KCNQ1: variants seen among roughly 807,000 people sequenced by gnomAD.
KCNQ1 encodes the protein potassium voltage-gated channel subfamily Q member 1.
Under a neutral mutation model 72.4 loss-of-function variants are expected in KCNQ1, and 49 were observed. That is an observed-to-expected ratio of 0.68 (90% CI 0.54 to 0.86). KCNQ1 has a LOEUF of 0.86. KCNQ1 is among the 40% of genes least tolerant of loss of function. The probability of loss-of-function intolerance (pLI) is 0.00; values close to 1 mark genes in which losing one functional copy is unlikely to be tolerated. For missense variants in KCNQ1, 790 were observed against 945.1 expected, an observed-to-expected ratio of 0.84 and a Z score of 2.15; for synonymous variants, 450 against 412.6, an observed-to-expected ratio of 1.09 and a Z score of -1.10.
At chr11:2,511,101 C>G (rs1488655048) in intron 1 of KCNQ1, among the ~76,000 whole-genome samples, 1 of 152,210 alleles carries the variant, frequency 6.6e-6, no homozygotes, top group Non-Finnish European at 1.5e-5. Context: ...TGTCTCTGCA[C>G]CCCTGGAGCC....
intron 1 of KCNQ1, among the ~76,000 whole-genome samples, chr11:2,452,995 T>G (rs999324006): frequency 6.6e-6 from 1 of 152,226 alleles, no homozygotes; most frequent in African/African-American, 2.4e-5. Context: ...GCGCCTGGAA[T>G]TCTTTACCCT....
rs1007957010 is a variant in KCNQ1 at position 2,710,959 on chromosome 11, G to A, written c.1514+48878G>A. On this transcript the variant is annotated intron_variant, in intron 11 of 15. Transcript: ENST00000155840. This position sits in a 1 kb window ranked among gnomAD's most constrained non-coding sequence, Gnocchi z 4.1. The stretch of plus-strand genomic sequence containing the variant: ...TTCAAGATTATTTTGGCTATTCTGG[G>A]TCCCTTGAATTTCCATATGAATTTT... Among the ~76,000 whole-genome samples, 1 of 152,040 alleles carries A rather than the reference G, an allele frequency of 6.6e-6. No homozygotes were observed. The highest frequency in any genetic ancestry group is 1.5e-5 in the Non-Finnish European group (1 of 67,998).
chr11:2,720,091 G>T lies in KCNQ1; in HGVS notation c.1515-48753G>T, dbSNP rs1366922474. Among the ~76,000 whole-genome samples the T allele has an allele frequency of 6.6e-6, 1 of 152,192 alleles. No homozygotes were observed. Among genetic ancestry groups the T allele is most frequent in the Non-Finnish European group, 1.5e-5 (1 of 68,034 alleles). ...GTCCCTCCATGCCAGCTCACTGGAG[G>T]GGCTCCTGCTGAAAGAGGTGGGGTT... On this transcript the variant is annotated intron_variant, in intron 11 of 15. Transcript: ENST00000155840. The surrounding 1 kb of genome is among the most constrained non-coding windows in gnomAD (Gnocchi z 5.1).
At chr11:2,834,634 T>C (rs1848023959) in intron 15 of KCNQ1, among the ~76,000 whole-genome samples, 1 of 151,958 alleles carries the variant, frequency 6.6e-6, no homozygotes, top group Non-Finnish European at 1.5e-5. Flanking sequence ...TGATGTCGGA[T>C]GGAGAAAGGA....
intron 1 of KCNQ1, among the ~76,000 whole-genome samples, chr11:2,472,901 C>A (rs901327010): frequency 1.3e-5 from 2 of 152,042 alleles, no homozygotes; most frequent in African/African-American, 4.8e-5. Context: ...AGCTCTGGGG[C>A]CCTTCTTGAT....
intron 15 of KCNQ1, among the ~76,000 whole-genome samples, chr11:2,814,983 G>C (rs234844): frequency 0.23 from 35,468 of 152,214 alleles, 4,239 homozygotes; most frequent in Non-Finnish European, 0.27. Context: ...ATGCCCTTCT[G>C]AGGCCTGCTC....
chr11:2,643,118 G>A (rs1049063129), intron 10 of KCNQ1: 2 of 398,060 alleles, frequency 5.0e-6, no homozygotes, highest in East Asian at 7.1e-5. Flanking sequence ...GTACTGATGA[G>A]AAGAGTGTAT....
chr11:2,730,930 A>G (rs1277073010), intron 11 of KCNQ1, among the ~76,000 whole-genome samples: 2 of 152,144 alleles, frequency 1.3e-5, no homozygotes, highest in Non-Finnish European at 2.9e-5. Context: ...AGCTGAACCA[A>G]CTACAGAAAT....
chr11:2,837,234 A>G (rs1208528830), intron 15 of KCNQ1, among the ~76,000 whole-genome samples: 1 of 152,144 alleles, frequency 6.6e-6, no homozygotes, highest in Non-Finnish European at 1.5e-5. Flanking sequence ...GTGGAGACAG[A>G]ACACAGCAGG....
chr11:2,511,083 C>G (rs932323046), intron 1 of KCNQ1, among the ~76,000 whole-genome samples: 2 of 152,148 alleles, frequency 1.3e-5, no homozygotes, highest in South Asian at 4.1e-4. Flanking sequence ...CTCCCTGTGT[C>G]TGTTATCTGT....
intron 13 of KCNQ1, 60 bp from the exon 14 acceptor site, chr11:2,776,926 C>T: frequency 6.6e-7 from 1 of 1,509,164 alleles, no homozygotes; most frequent in Non-Finnish European, 9.2e-7. Flanking sequence ...CCACAGACGA[C>T]AGTGCATCTG....
intron 15 of KCNQ1, among the ~76,000 whole-genome samples, chr11:2,792,122 C>G (rs1486893124): frequency 6.6e-6 from 1 of 152,204 alleles, no homozygotes; most frequent in East Asian, 1.9e-4. Flanking sequence ...TCCCGGGTCC[C>G]TCCGCCACCC....
At chr11:2,667,846 G>A in intron 11 of KCNQ1, 1 of 398,646 alleles carries the variant, frequency 2.5e-6, no homozygotes, top group Non-Finnish European at 4.4e-6. Context: ...TAGTTAAAGG[G>A]TAATGTGCAT....
chr11:2,611,129 T>C lies in KCNQ1; in HGVS notation c.1393+22275T>C, dbSNP rs761683011. 15 of 398,488 alleles carry C rather than the reference T, an allele frequency of 3.8e-5. No homozygotes were observed. The highest frequency in any genetic ancestry group is 6.2e-5 in the Non-Finnish European group (14 of 226,060). The allele number at this position is 398,488 out of a possible 1,614,324, so 24.7% of individuals were successfully genotyped here. On this transcript the variant is annotated intron_variant, in intron 10 of 15. Coordinates refer to ENST00000155840, the MANE Select transcript of KCNQ1 (RefSeq NM_000218.3). The surrounding 1 kb of genome is among the most constrained non-coding windows in gnomAD (Gnocchi z 5.3). ...TCTGTTTATGATTTCTATTTCTTCC[T>C]GTTAAATTTTCCCTTTTGTCATTGT...
Position 2,752,053 on chromosome 11 carries a change from A to T in KCNQ1, c.1515-16791A>T, listed in dbSNP as rs1846235032. Among the ~76,000 whole-genome samples, 1 of 152,156 alleles carries T rather than the reference A, an allele frequency of 6.6e-6. No homozygotes were observed. The highest frequency in any genetic ancestry group is 1.5e-5 in the Non-Finnish European group (1 of 68,022). ...ACTGCCCTGTCCTCCCCACGCCCTG[A>T]GGGGCCGTCCTAGGCAGCACTCACC... On this transcript the variant is annotated intron_variant, in intron 11 of 15. Transcript: ENST00000155840. This position sits in a 1 kb window ranked among gnomAD's most constrained non-coding sequence, Gnocchi z 5.2.
intron 11 of KCNQ1, among the ~76,000 whole-genome samples, chr11:2,717,002 G>A (rs991460698): frequency 1.1e-4 from 16 of 152,144 alleles, no homozygotes; most frequent in African/African-American, 2.4e-4. Flanking sequence ...CCCTGTATTC[G>A]CCAGCACAGC....
chr11:2,798,917 C>G (rs1431903092), intron 15 of KCNQ1, among the ~76,000 whole-genome samples: 2 of 151,836 alleles, frequency 1.3e-5, no homozygotes, highest in Admixed American at 6.6e-5. Flanking sequence ...AGGAACAGGA[C>G]GGGGGAAGGA....
At chr11:2,672,494 G>A in intron 11 of KCNQ1, 1 of 398,674 alleles carries the variant, frequency 2.5e-6, no homozygotes. Context: ...CCATGGCAGT[G>A]CCTAGGAGCT....
intron 1 of KCNQ1, among the ~76,000 whole-genome samples, chr11:2,518,975 C>A (rs1357394264): frequency 6.6e-6 from 1 of 152,128 alleles, no homozygotes; most frequent in Non-Finnish European, 1.5e-5. Context: ...GGGATCACAT[C>A]CACGCTCCTT....
Sources: gnomAD v4.1 joint callset for allele counts (sites outside exome capture counted in the v4.1 genomes callset) on GRCh38, gnomAD v4.1.1 for gene constraint, Gnocchi (gnomAD v3.1) non-coding constraint, MANE v1.5 for transcripts, NCBI Gene and HGNC (gene_info 2026-07-23, HGNC 2026-07-21) for gene names.